ERCC5: variants seen among roughly 807,000 people sequenced by gnomAD.
ERCC5 encodes the protein ERCC excision repair 5, endonuclease.
Under a neutral mutation model 105.6 loss-of-function variants are expected in ERCC5, and 68 were observed. The ratio of observed to expected loss-of-function variants is 0.64; its 90% CI spans 0.53 to 0.79. The LOEUF is 0.79. Among genes scored for constraint, ERCC5 ranks in the 30% least tolerant of loss-of-function variants. The probability of loss-of-function intolerance (pLI) is 0.00; values close to 1 mark genes in which losing one functional copy is unlikely to be tolerated. For synonymous variants in ERCC5, 546 were observed against 526.2 expected, an observed-to-expected ratio of 1.04 and a Z score of -0.51; for missense variants, 1,373 against 1,426.7, an observed-to-expected ratio of 0.96 and a Z score of 0.61.
rs1882797226 is a variant in ERCC5 at position 102,865,473 on chromosome 13, T to A, written c.1955-194T>A. 1 of 709,936 alleles carries A rather than the reference T, an allele frequency of 1.4e-6. No individual in the cohort carries two copies. The highest frequency in any genetic ancestry group is 4.1e-4 in the Middle Eastern group (1 of 2,426). 44.0% of individuals were successfully genotyped at this position (709,936 alleles called of 1,614,324 possible). On this transcript the variant is annotated intron_variant, in intron 8 of 14. Transcript: ENST00000652225. This position sits in a 1 kb window ranked among gnomAD's most constrained non-coding sequence, Gnocchi z 4.0. ...TGCCAGTTTACCTAATTGAAAAGGC[T>A]TGTTTTGAAGTTACAGGCATTTGTG...
chr13:102,865,874 C>G lies in ERCC5; in HGVS notation c.2162C>G (p.Ala721Gly), dbSNP rs376753356. ...DGEPQEAEKD[A>G]EDSLHEWQDI... The stretch of plus-strand genomic sequence containing the variant: ...GAGCCACAGGAAGCTGAGAAAGATG[C>G]GGAAGATTCGCTCCATGAATGGCAA... The change falls in exon 9 of 15, where the codon GCG becomes GGG. Residue 721 changes from alanine to glycine, a missense_variant. Coordinates refer to ENST00000652225, the MANE Select transcript of ERCC5 (RefSeq NM_000123.4). This position sits in a 1 kb window ranked among gnomAD's most constrained non-coding sequence, Gnocchi z 4.0. 1 of 1,614,170 alleles carries G rather than the reference C, an allele frequency of 6.2e-7. No homozygotes were observed. Among genetic ancestry groups the G allele is most frequent in the Non-Finnish European group, 8.5e-7 (1 of 1,180,030 alleles).
rs957735024 is a variant in ERCC5, at chr13:102,846,275, C to T, written c.9C>T (p.Val3=). 2 of 1,613,358 alleles carry T rather than the reference C, an allele frequency of 1.2e-6. No homozygotes were observed. The highest frequency in any genetic ancestry group is 1.3e-5 in the African/African-American group (1 of 74,886). The stretch of plus-strand genomic sequence containing the variant: ...TAGGACGCAGCCGCCTCATGGGGGT[C>T]CAGGGGCTCTGGAAGCTGCTGGAGT... The part of the protein sequence containing the change: MG[V]QGLWKLLECS... The change falls in exon 1 of 15, where the codon GTC becomes GTT. Residue 3 remains valine, a synonymous_variant. Coordinates refer to ENST00000652225, the MANE Select transcript of ERCC5 (RefSeq NM_000123.4).
At position 102,864,122 on chromosome 13, in the gene ERCC5, TCAA is replaced by T. The variant is rs967057594; in HGVS notation, c.1954+1021_1954+1023del. Among the ~76,000 whole-genome samples the T allele has an allele frequency of 4.9e-3, 359 of 73,924 alleles. 3 individuals are homozygous for T. The highest frequency in any genetic ancestry group is 0.024 in the African/African-American group (324 of 13,486). 48.5% of individuals were successfully genotyped at this position (73,924 alleles called of 152,430 possible). ...GTGATGGCCACTTTGAATAAGAGAA[TCAA>T]CCACACACACACACACACACACACA... On this transcript the variant is annotated intron_variant, in intron 8 of 14. Coordinates refer to ENST00000652225, the MANE Select transcript of ERCC5 (RefSeq NM_000123.4).
In ERCC5 at chr13:102,863,049, A is replaced by C; in HGVS notation, c.1900A>C (p.Ile634Leu). Residue 634 changes from isoleucine (I) to leucine (L), a missense_variant, in exon 8 of 15, where the codon ATT (isoleucine) becomes CTT (leucine). Around this residue, in one of 3 missense-constraint regions of ERCC5, gnomAD observed 1,004 missense variants for 1,059.7 expected, o/e 0.95. Transcript: ENST00000652225. ...ATCTGCAGGCCAGGATTTAATTTCC[A>C]TTCCAAAGGCCGTGGAACCAATGGA... Reference protein sequence around the residue: ...TESAGQDLISIPKAVEPMEID... With the variant: ...TESAGQDLISLPKAVEPMEID... The C allele has an allele frequency of 6.2e-7, 1 of 1,614,170 alleles. No homozygotes were observed. The highest frequency in any genetic ancestry group is 8.5e-7 in the Non-Finnish European group (1 of 1,180,028).
At chr13:102,874,563 C>G (rs1462015804) in intron 14 of ERCC5, among the ~76,000 whole-genome samples, 7 of 152,170 alleles carry the variant, frequency 4.6e-5, no homozygotes, top group African/African-American at 1.7e-4. Flanking sequence ...ACTCTGTCTC[C>G]CAGGCTGGAG....
Position 102,846,313 on chromosome 13 carries a change from A to G in ERCC5, c.47A>G (p.Gln16Arg), listed in dbSNP as rs1226729518. The G allele has an allele frequency of 6.2e-7, 1 of 1,614,068 alleles. No individual in the cohort carries two copies. Among genetic ancestry groups the G allele is most frequent in the Non-Finnish European group, 8.5e-7 (1 of 1,179,990 alleles). Residue 16 changes from glutamine (Q) to arginine (R), a missense_variant, in exon 1 of 15, where the codon CAG becomes CGG. By Grantham distance (43) the Gln-to-Arg change is conservative. Transcript: ENST00000652225. ...AAGCTGCTGGAGTGCTCCGGGCGGC[A>G]GGTCAGCCCCGAAGCGCTGGAAGGG... ...LWKLLECSGR[Q>R]VSPEALEGKI...
At chr13:102,848,867 A>G (rs1398304020) in intron 1 of ERCC5, among the ~76,000 whole-genome samples, 1 of 152,176 alleles carries the variant, frequency 6.6e-6, no homozygotes, top group East Asian at 1.9e-4. Context: ...GAGAATTGGC[A>G]TTACCTGTAG....
chr13:102,849,252 G>T (rs1032774412), intron 1 of ERCC5: 2 of 518,276 alleles, frequency 3.9e-6, no homozygotes, highest in Non-Finnish European at 7.7e-6. Flanking sequence ...CGTTAACTTG[G>T]GCTATTGTAA....
At chr13:102,861,450 T>C (rs1478713578) in intron 6 of ERCC5, 57 bp from the exon 7 acceptor site, 1 of 1,574,114 alleles carries the variant, frequency 6.4e-7, no homozygotes, top group African/African-American at 1.4e-5. Flanking sequence ...GGAAATATGG[T>C]AATATTATCT....
At chr13:102,873,373 C>T (rs371922566) in intron 14 of ERCC5, 30 bp downstream of exon 14, 16 of 1,612,388 alleles carry the variant, frequency 9.9e-6, no homozygotes, top group Non-Finnish European at 1.3e-5. Context: ...CTCCTAAGTT[C>T]AGGATGAAGG....
rs56205431 is a variant in ERCC5 at position 102,862,286 on chromosome 13, C to T, written c.1137C>T (p.Asp379=). The part of the protein sequence containing the change: ...ARGRNAPAAV[D]EGSISPRTLS... ...GGAGGAACGCACCTGCTGCTGTAGA[C>T]GAAGGCTCCATATCACCCCGGACTC... Residue 379 remains aspartate (D), a synonymous_variant, in exon 8 of 15, where the codon GAC becomes GAT. Coordinates refer to ENST00000652225, the MANE Select transcript of ERCC5 (RefSeq NM_000123.4). 2.1e-4 allele frequency: 342 copies of T among 1,614,100 alleles called. 2 individuals carry two copies. In the East Asian group the frequency reaches 6.5e-3, roughly 31 times the overall value.
At chr13:102,874,437 A>G (rs1262327456) in intron 14 of ERCC5, among the ~76,000 whole-genome samples, 1 of 152,218 alleles carries the variant, frequency 6.6e-6, no homozygotes, top group Admixed American at 6.5e-5. Context: ...AGATATTTAA[A>G]TAATTAGTTC....
At chr13:102,873,438 G>C (rs1883098605) in intron 14 of ERCC5, 95 bp downstream of exon 14, 5 of 1,353,524 alleles carry the variant, frequency 3.7e-6, no homozygotes, top group Non-Finnish European at 5.2e-6. Flanking sequence ...TTGGGGCATA[G>C]AGCAGACATT....
At chr13:102,853,904 G>C (rs1377862049) in intron 3 of ERCC5, 32 bp downstream of exon 3, 1 of 1,602,426 alleles carries the variant, frequency 6.2e-7, no homozygotes, top group South Asian at 1.1e-5. Context: ...TGTTAGAGAT[G>C]AAGTTTTAAA....
In ERCC5 at chr13:102,853,785, C is replaced by G. The variant is rs375404851; in HGVS notation, c.293C>G (p.Ala98Gly). The G allele has an allele frequency of 1.2e-6, 2 of 1,614,174 alleles. No homozygotes were observed. Among genetic ancestry groups the G allele is most frequent in the East Asian group, 4.5e-5 (2 of 44,880 alleles). ...LVKRRQRKDL[A>G]SSDSRKTTEK... The stretch of plus-strand genomic sequence containing the variant: ...AAGAGAAGGCAGAGAAAGGACTTAG[C>G]GTCCAGTGACTCCAGGAAAACGACA... The change falls in exon 3 of 15, where the codon GCG (alanine) becomes GGG (glycine). Residue 98 changes from alanine (A) to glycine (G), a missense_variant. By Grantham distance (60) the Ala-to-Gly change is moderately conservative. Coordinates refer to ENST00000652225, the MANE Select transcript of ERCC5 (RefSeq NM_000123.4).
At position 102,865,421 on chromosome 13, in the gene ERCC5, AAG is replaced by A. The variant is rs1161092808; in HGVS notation, c.1955-241_1955-240del. 4.2e-6 allele frequency: 2 copies of A among 473,068 alleles called. No individual in the cohort carries two copies. The highest frequency in any genetic ancestry group is 7.7e-6 in the Non-Finnish European group (2 of 261,016). The allele number at this position is 473,068 out of a possible 1,614,324, so 29.3% of individuals were successfully genotyped here. A position where few individuals can be genotyped will look rare whatever the true frequency, so the allele number is the denominator to read the frequency against. ...TATATAAAGCGAATATACAAATCTT[AAG>A]AGAGTTTCCTACTTTCAAAGACAGT... On this transcript the variant is annotated intron_variant, in intron 8 of 14. Coordinates refer to ENST00000652225, the MANE Select transcript of ERCC5 (RefSeq NM_000123.4). The surrounding 1 kb of genome is among the most constrained non-coding windows in gnomAD (Gnocchi z 4.0).
At chr13:102,874,380 A>C (rs555314023) in intron 14 of ERCC5, among the ~76,000 whole-genome samples, 2 of 152,244 alleles carry the variant, frequency 1.3e-5, no homozygotes, top group South Asian at 4.1e-4. Context: ...TCTTCTATGT[A>C]TTGTGTGGTT....
Position 102,872,382 on chromosome 13 carries a change from C to A in ERCC5, c.2863C>A (p.Leu955Ile), listed in dbSNP as rs142856022. Residue 955 changes from leucine to isoleucine, a missense_variant, in exon 13 of 15, where the codon CTC becomes ATC. Physicochemically the swap from Leu to Ile is conservative, Grantham distance 5 (BLOSUM62 2). Transcript: ENST00000652225. ...ATCCTTTCTGTGGGGGAAACCTGAT[C>A]TCGACAAAATTAGAGAATATCCTTT... ...KGSFLWGKPD[L>I]DKIREFCQRY... 8.6e-5 allele frequency: 139 copies of A among 1,614,184 alleles called. No individual in the cohort carries two copies. The highest frequency in any genetic ancestry group is 1.1e-4 in the Non-Finnish European group (126 of 1,180,032).
At chr13:102,859,707 G>A (rs994034329) in intron 6 of ERCC5, among the ~76,000 whole-genome samples, 30 of 152,208 alleles carry the variant, frequency 2.0e-4, no homozygotes, top group African/African-American at 7.2e-4. Flanking sequence ...TACTGGATCT[G>A]TAATTTTGAT....
Sources: allele counts gnomAD v4.1 joint callset (sites outside exome capture counted in the v4.1 genomes callset), GRCh38; gene constraint gnomAD v4.1.1; regional missense constraint gnomAD v4.1.1; non-coding constraint Gnocchi (gnomAD v3.1); transcripts MANE v1.5; gene names NCBI Gene and HGNC (gene_info 2026-07-23, HGNC 2026-07-21).